Variants in EEF1G observed in about 807,000 individuals in gnomAD.
EEF1G encodes eukaryotic translation elongation factor 1 gamma, also known as elongation factor 1-gamma.
In EEF1G, 14 loss-of-function variants were observed where a neutral mutation model predicts 58.3. That is an observed-to-expected ratio of 0.24 (90% CI 0.16 to 0.38). The LOEUF (loss-of-function observed/expected upper bound fraction) is 0.38, where lower values mean the gene tolerates loss of function less well. EEF1G is among the 10% of genes least tolerant of loss of function. EEF1G has a pLI of 1.00. For missense variants in EEF1G, 322 were observed against 550.1 expected (o/e 0.59, Z 4.15); for synonymous variants, 180 against 206.8 (o/e 0.87, Z 1.11).
chr11:62,571,967 G>T, intron 2 of EEF1G, 66 bp from the exon 3 acceptor site: 1 of 1,371,718 alleles, frequency 7.3e-7, no homozygotes, highest in African/African-American at 1.4e-5. Context: ...AATACCAGGA[G>T]CCAAACTGCT....
intron 1 of EEF1G, chr11:62,573,351 C>T (rs959024881): frequency 5.6e-6 from 1 of 178,004 alleles, no homozygotes; most frequent in Non-Finnish European, 1.2e-5. Flanking sequence ...TTGGGCTTCT[C>T]TATTATGCCG....
intron 5 of EEF1G, among the ~76,000 whole-genome samples, chr11:62,570,764 C>T (rs1590711197): frequency 6.6e-6 from 1 of 152,158 alleles, no homozygotes; most frequent in Non-Finnish European, 1.5e-5. Context: ...CCATGTTGGC[C>T]AGGCTGGTCT....
At chr11:62,563,265 T>A (rs1376221096) in intron 7 of EEF1G, among the ~76,000 whole-genome samples, 2 of 152,010 alleles carry the variant, frequency 1.3e-5, no homozygotes, top group African/African-American at 2.4e-5. Context: ...TAGCTGGGAC[T>A]ACAGGCGCCT....
intron 7 of EEF1G, 137 bp from the exon 8 acceptor site, chr11:62,560,591 G>T: frequency 1.0e-6 from 1 of 992,872 alleles, no homozygotes. Context: ...ATGACCTTAT[G>T]AGGGAAGTAA....
At chr11:62,566,296 C>CA (rs1241278286) in intron 7 of EEF1G, among the ~76,000 whole-genome samples, 4 of 152,236 alleles carry the variant, frequency 2.6e-5, no homozygotes, top group Non-Finnish European at 5.9e-5. Flanking sequence ...ATGAACTAGA[C>CA]AGACACTACT....
chr11:62,564,344 TC>T (rs11288322), intron 7 of EEF1G, among the ~76,000 whole-genome samples: 44,270 of 149,830 alleles, frequency 0.3, 7,055 homozygotes, highest in Non-Finnish European at 0.37. Flanking sequence ...GCACCTGCAA[TC>T]CCCAGCTACT....
At chr11:62,568,184 C>T (rs1345969815) in intron 5 of EEF1G, among the ~76,000 whole-genome samples, 11 of 147,624 alleles carry the variant, frequency 7.5e-5, no homozygotes, top group African/African-American at 2.5e-4. Flanking sequence ...GCGGAGATCG[C>T]GGCACTGCAT....
In EEF1G at chr11:62,573,763, C is replaced by A; in HGVS notation, c.12+68G>T. 1.9e-6 allele frequency: 3 copies of A among 1,606,390 alleles called. No individual in the cohort carries two copies. In the Admixed American group the frequency reaches 5.0e-5, roughly 27 times the overall value. ...AACCTCAGAACTCCTCTGGCGCCGA[C>A]TGGCCCCACTCGGGCAAAGGATGGC... On this transcript the variant is annotated intron_variant, in intron 1 of 9. Transcript: ENST00000329251.
At chr11:62,563,118 AC>A (rs1451890049) in intron 7 of EEF1G, among the ~76,000 whole-genome samples, 94 of 151,664 alleles carry the variant, frequency 6.2e-4, no homozygotes, top group Non-Finnish European at 2.5e-4. Flanking sequence ...AAAAAACAAA[AC>A]AATCCTTTTT....
Position 62,572,615 on chromosome 11 carries a change from G to T in EEF1G, c.140C>A (p.Pro47His). The T allele has an allele frequency of 6.2e-7, 1 of 1,612,228 alleles. No individual in the cohort carries two copies. The highest frequency in any genetic ancestry group is 8.5e-7 in the Non-Finnish European group (1 of 1,179,882). Reference protein sequence around the residue: ...HFHFGQTNRTPEFLRKFPAGK... With the variant: ...HFHFGQTNRTHEFLRKFPAGK... Reference sequence around the variant, plus strand: ...GGCAGGAAATTTGCGGAGAAATTCAGGGGTGCGGTTGGTTTGGCCAAAATG... The same window carrying T: ...GGCAGGAAATTTGCGGAGAAATTCATGGGTGCGGTTGGTTTGGCCAAAATG... Residue 47 changes from proline (P) to histidine (H), a missense_variant, in exon 2 of 10, where the codon CCT (proline) becomes CAT (histidine). Pro to His is a moderately conservative substitution (Grantham distance 77). Around this residue, in one of 3 missense-constraint regions of EEF1G, gnomAD observed 62 missense variants for 87.0 expected, o/e 0.71. Coordinates refer to ENST00000329251, the MANE Select transcript of EEF1G (RefSeq NM_001404.5).
chr11:62,561,580 G>C (rs1941494148), intron 7 of EEF1G, among the ~76,000 whole-genome samples: 2 of 143,592 alleles, frequency 1.4e-5, no homozygotes, highest in African/African-American at 5.2e-5. Flanking sequence ...AGGGACAGGA[G>C]ACTTGCTCGA....
chr11:62,567,626 C>T (rs1941572425), intron 5 of EEF1G, 98 bp from the exon 6 acceptor site: 1 of 1,270,516 alleles, frequency 7.9e-7, no homozygotes, highest in Non-Finnish European at 1.1e-6. Context: ...CCAGTGCTCA[C>T]CTTCTTTTCA....
chr11:62,573,870 G>T lies in EEF1G; in HGVS notation c.-28C>A. 1.2e-6 allele frequency: 2 copies of T among 1,613,674 alleles called. No individual in the cohort carries two copies. Among genetic ancestry groups the T allele is most frequent in the Non-Finnish European group, 1.7e-6 (2 of 1,179,866 alleles). ...TGATTCCGCAAAGAAAGGGGGTGGGGTTCTCGGCGCTGCCGCAAAGTAAGC... is the reference window on the plus strand; with the variant it reads ...TGATTCCGCAAAGAAAGGGGGTGGGTTTCTCGGCGCTGCCGCAAAGTAAGC... On this transcript the variant is annotated 5_prime_UTR_variant, in exon 1 of 10. Coordinates refer to ENST00000329251, the MANE Select transcript of EEF1G (RefSeq NM_001404.5).
intron 8 of EEF1G, 28 bp downstream of exon 8, chr11:62,560,254 T>TCC: frequency 1.2e-6 from 2 of 1,613,928 alleles, no homozygotes; most frequent in Non-Finnish European, 1.7e-6. Flanking sequence ...CACCTTGTTC[T>TCC]CCTTCCTTCT....
Position 62,567,357 on chromosome 11 carries a change from CCCTGATCCTGG to C in EEF1G, c.652+31_652+41del, listed in dbSNP as rs1941569450. The C allele has an allele frequency of 3.2e-6, 5 of 1,578,054 alleles. No homozygotes were observed. In the Admixed American group the frequency reaches 9.2e-5, roughly 29 times the overall value. ...AGGGGTTGATGCAGAGCAAACCAGACCCTGATCCTGGCCATATGCCTCCCAGTCTCCTCAGA... is the reference window on the plus strand; with the variant it reads ...AGGGGTTGATGCAGAGCAAACCAGACCCATATGCCTCCCAGTCTCCTCAGA... On this transcript the variant is annotated intron_variant, in intron 6 of 9. Coordinates refer to ENST00000329251, the MANE Select transcript of EEF1G (RefSeq NM_001404.5).
chr11:62,571,694 G>T lies in EEF1G; in HGVS notation c.236-12C>A. The T allele has an allele frequency of 6.3e-7, 1 of 1,583,282 alleles. No homozygotes were observed. The highest frequency in any genetic ancestry group is 8.6e-7 in the Non-Finnish European group (1 of 1,164,904). ...CTCCTCATTGCTCACTGCAGAGGCA[G>T]AACACGAAGGTCAGAACTCTGGGGG... is the stretch of plus-strand genomic sequence containing the variant. On this transcript the variant is annotated splice_polypyrimidine_tract_variant and intron_variant, in intron 3 of 9. Coordinates refer to ENST00000329251, the MANE Select transcript of EEF1G (RefSeq NM_001404.5).
rs141234640 is a variant in EEF1G at position 62,572,795 on chromosome 11, A to T, written c.13-53T>A. 2.0e-3 allele frequency: 3,121 copies of T among 1,526,578 alleles called. 11 individuals are homozygous for T. The highest frequency in any genetic ancestry group is 0.011 in the Middle Eastern group (57 of 5,294). The allele number at this position is 1,526,578 out of a possible 1,614,324, so 94.6% of individuals were successfully genotyped here. A position where few individuals can be genotyped will look rare whatever the true frequency, so the allele number is the denominator to read the frequency against. On this transcript the variant is annotated intron_variant, in intron 1 of 9. Coordinates refer to ENST00000329251, the MANE Select transcript of EEF1G (RefSeq NM_001404.5). Reference sequence around the variant, plus strand: ...AATGAGTAGAAGGGTCCCAGTCCTTAATGCCACTCTCCAGGATGACTTTCC... The same window carrying T: ...AATGAGTAGAAGGGTCCCAGTCCTTTATGCCACTCTCCAGGATGACTTTCC...
intron 5 of EEF1G, among the ~76,000 whole-genome samples, chr11:62,568,845 T>G (rs770563090): frequency 6.6e-6 from 1 of 151,884 alleles, no homozygotes; most frequent in East Asian, 2.0e-4. Flanking sequence ...TGGTTGCACA[T>G]GCCCGTAATC....
intron 1 of EEF1G, chr11:62,572,975 C>T (rs1446652288): frequency 2.7e-6 from 1 of 376,546 alleles, no homozygotes; most frequent in Non-Finnish European, 4.8e-6. Context: ...TTGACCTTCC[C>T]TAAGGACACC....
Sources: gnomAD v4.1 joint callset for allele counts (sites outside exome capture counted in the v4.1 genomes callset) on GRCh38, gnomAD v4.1.1 for gene constraint, gnomAD v4.1.1 regional missense constraint, MANE v1.5 for transcripts, NCBI Gene and HGNC (gene_info 2026-07-23, HGNC 2026-07-21) for gene names.